OCA2: variants seen among roughly 807,000 people sequenced by gnomAD.
The protein encoded by OCA2 is OCA2 melanosomal transmembrane protein.
In OCA2, 77 loss-of-function variants were observed where a neutral mutation model predicts 100.2. The observed-to-expected ratio is 0.77, with a 90% CI of 0.64 to 0.93. OCA2 has a LOEUF of 0.93. Ranked by LOEUF, OCA2 falls within the 40% of genes least tolerant of loss-of-function variation. The pLI is 0.00. For synonymous variants in OCA2, 432 were observed against 439.2 expected (o/e 0.98, Z 0.21); for missense variants, 1,062 against 1,089.1 (o/e 0.98, Z 0.35).
chr15:28,087,785 G>C (rs1413918721), intron 1 of OCA2, among the ~76,000 whole-genome samples: 1 of 152,100 alleles, frequency 6.6e-6, no homozygotes, highest in Non-Finnish European at 1.5e-5. Flanking sequence ...TCCAGGCTGG[G>C]CACGGTGGCT....
At chr15:28,052,043 AC>A (rs1422349926) in intron 2 of OCA2, among the ~76,000 whole-genome samples, 2 of 151,336 alleles carry the variant, frequency 1.3e-5, no homozygotes, top group Admixed American at 6.6e-5. Flanking sequence ...CAGATCAGTG[AC>A]CCCCCTCAGG....
At chr15:28,076,172 G>A (rs1343542889) in intron 2 of OCA2, among the ~76,000 whole-genome samples, 1 of 152,142 alleles carries the variant, frequency 6.6e-6, no homozygotes, top group African/African-American at 2.4e-5. Flanking sequence ...GACCAGAAGG[G>A]AACACAGATA....
chr15:27,772,012 T>C (rs377102852), intron 23 of OCA2, among the ~76,000 whole-genome samples: 7 of 152,220 alleles, frequency 4.6e-5, no homozygotes, highest in Admixed American at 6.5e-5. Flanking sequence ...GTCTAGACAT[T>C]ATTCCCAAGC....
At position 28,081,997 on chromosome 15, in the gene OCA2, G is replaced by A. The variant is rs1440302722; in HGVS notation, c.-21-102C>T. The A allele has an allele frequency of 2.0e-5, 19 of 968,890 alleles. 1 individual carries two copies. The highest frequency in any genetic ancestry group is 3.0e-4 in the Middle Eastern group (1 of 3,312). The allele number at this position is 968,890 out of a possible 1,614,324, so 60.0% of individuals were successfully genotyped here. Reference sequence around the variant, plus strand: ...ATAGGAAGGTTGCTTCTTCGGAGGCGGTCCCAGAGTTCCAGCATCCTAACC... The same window carrying A: ...ATAGGAAGGTTGCTTCTTCGGAGGCAGTCCCAGAGTTCCAGCATCCTAACC... On this transcript the variant is annotated intron_variant, in intron 1 of 23. Transcript: ENST00000354638.
At chr15:27,961,466 T>A (rs1258444311) in intron 15 of OCA2, among the ~76,000 whole-genome samples, 1 of 152,210 alleles carries the variant, frequency 6.6e-6, no homozygotes, top group East Asian at 1.9e-4. Flanking sequence ...ACCAAAGGAT[T>A]ATAAATCATT....
At chr15:28,003,507 T>C in intron 9 of OCA2, among the ~76,000 whole-genome samples, 1 of 152,200 alleles carries the variant, frequency 6.6e-6, no homozygotes, top group East Asian at 1.9e-4. Flanking sequence ...TGTTACTCTG[T>C]TTTGTGGGTG....
intron 18 of OCA2, among the ~76,000 whole-genome samples, chr15:27,937,125 A>G (rs2140463874): frequency 6.6e-6 from 1 of 152,238 alleles, no homozygotes; most frequent in East Asian, 1.9e-4. Flanking sequence ...GCCCTTCACA[A>G]CCAGAGAGTA....
chr15:27,773,740 G>A (rs1013116943), intron 23 of OCA2, among the ~76,000 whole-genome samples: 1 of 152,214 alleles, frequency 6.6e-6, no homozygotes, highest in Non-Finnish European at 1.5e-5. Context: ...AACTTTAGTA[G>A]ACATGTGAAA....
intron 18 of OCA2, among the ~76,000 whole-genome samples, chr15:27,941,193 A>C (rs1366113113): frequency 1.3e-5 from 2 of 152,236 alleles, no homozygotes; most frequent in Admixed American, 6.5e-5. Flanking sequence ...ACAATGTAGA[A>C]TCTTAAGGGT....
intron 5 of OCA2, among the ~76,000 whole-genome samples, chr15:28,024,008 A>G (rs2141311033): frequency 6.6e-6 from 1 of 152,254 alleles, no homozygotes. Flanking sequence ...ACACCCACTC[A>G]TTGGGCAAAT....
chr15:27,979,364 CTTGT>C lies in OCA2; in HGVS notation c.1503+3977_1503+3980del, dbSNP rs1248066622. ...GAGGAGCATCTATAGTTGGATGGGG[CTTGT>C]TTGTTTGATCTGACAATCCCTGCTT... On this transcript the variant is annotated intron_variant, in intron 14 of 23. Transcript: ENST00000354638. 3.9e-5 allele frequency among the ~76,000 whole-genome samples: 6 copies of C among 152,116 alleles called. No individual in the cohort carries two copies. The East Asian group carries it at 7.7e-4, about 20-fold the overall frequency.
At position 27,767,883 on chromosome 15, in the gene OCA2, CAAACA is replaced by C. The variant is rs914325984; in HGVS notation, c.2433-12416_2433-12412del. Reference sequence around the variant, plus strand: ...CTTCACACTAAATCTTGCTGTTGCTCAAACAAAACAAAACAAAAACTCCTACTGGA... The same window carrying C: ...CTTCACACTAAATCTTGCTGTTGCTCAAACAAAACAAAAACTCCTACTGGA... On this transcript the variant is annotated intron_variant, in intron 23 of 23. Transcript: ENST00000354638. Among the ~76,000 whole-genome samples, 38 of 152,314 alleles carry C rather than the reference CAAACA, an allele frequency of 2.5e-4. 1 individual carries two copies. The highest frequency in any genetic ancestry group is 1.5e-3 in the South Asian group (7 of 4,822).
chr15:27,910,052 G>T (rs1391097048), intron 19 of OCA2, among the ~76,000 whole-genome samples: 1 of 151,828 alleles, frequency 6.6e-6, no homozygotes, highest in Non-Finnish European at 1.5e-5. Context: ...ACACTGACAT[G>T]AATGCACAAT....
rs757035565 is a variant in OCA2 at position 28,016,115 on chromosome 15, C to T, written c.879G>A (p.Glu293=). The T allele has an allele frequency of 6.2e-7, 1 of 1,614,042 alleles. No homozygotes were observed. ...SEHSVMSRTF[E]VLTRETVSIS... ...CACTGAGAACTCACCTGGTCAGTAC[C>T]TCAAAGGTCCTGCTCATCACTGAGT... Residue 293 remains glutamate, a synonymous_variant, in exon 8 of 24, where the codon GAG becomes GAA. Transcript: ENST00000354638.
the OCA2 span, among the ~76,000 whole-genome samples, chr15:27,722,052 C>T: frequency 2.0e-5 from 3 of 152,212 alleles, no homozygotes; most frequent in Non-Finnish European, 4.4e-5. Flanking sequence ...GCTGCGTGGA[C>T]ATTTGCCCAT....
At chr15:28,041,145 T>G (rs138191239) in intron 2 of OCA2, among the ~76,000 whole-genome samples, 194 of 152,204 alleles carry the variant, frequency 1.3e-3, no homozygotes, top group African/African-American at 4.4e-3. Context: ...CTCAGCAGCA[T>G]ATTAAAAGTA....
At chr15:27,720,773 T>C in the OCA2 span, among the ~76,000 whole-genome samples, 6,536 of 152,238 alleles carry the variant, frequency 0.043, 460 homozygotes, top group African/African-American at 0.15. Flanking sequence ...CCAAATGGTA[T>C]ACTGTGCATA....
intron 23 of OCA2, among the ~76,000 whole-genome samples, chr15:27,770,779 A>G: frequency 1.6e-5 from 1 of 61,760 alleles, no homozygotes; most frequent in African/African-American, 4.6e-5. Flanking sequence ...CCTCCCTTCC[A>G]TCCTTCCTTC....
intron 2 of OCA2, among the ~76,000 whole-genome samples, chr15:28,036,955 C>A (rs2043062327): frequency 6.6e-6 from 1 of 152,044 alleles, no homozygotes; most frequent in African/African-American, 2.4e-5. Context: ...GAGCCGGTAA[C>A]AAGGAATACA....
Sources: allele counts gnomAD v4.1 joint callset (sites outside exome capture counted in the v4.1 genomes callset), GRCh38; gene constraint gnomAD v4.1.1; transcripts MANE v1.5; gene names NCBI Gene and HGNC (gene_info 2026-07-23, HGNC 2026-07-21).